The following TBC1D4 variants were observed in gnomAD, a reference collection of about 807,000 sequenced individuals.
The protein encoded by TBC1D4 is TBC (Tre-2, BUB2, CDC16) domain-containing protein.
A neutral mutation model predicts 142.5 loss-of-function variants in TBC1D4; 121 were observed. The ratio of observed to expected loss-of-function variants is 0.85; its 90% CI spans 0.73 to 0.99. TBC1D4 has a LOEUF of 0.99. Among genes scored for constraint, TBC1D4 ranks in the 50% least tolerant of loss-of-function variants. TBC1D4 has a pLI of 0.00. For missense variants in TBC1D4, 1,475 were observed against 1,606.6 expected, an observed-to-expected ratio of 0.92 and a Z score of 1.40; for synonymous variants, 630 against 628.2, an observed-to-expected ratio of 1.00 and a Z score of -0.04.
In TBC1D4 at chr13:75,286,993, T is replaced by A. The variant is rs200847492; in HGVS notation, c.3696A>T (p.Ser1232=). 528 of 1,613,670 alleles carry A rather than the reference T, an allele frequency of 3.3e-4. 1 individual carries two copies. The highest frequency in any genetic ancestry group is 1.5e-3 in the Middle Eastern group (9 of 6,062). ...CTCTCGTCAAAAGATTTTCCAGGTT[T>A]GATTCCAAGGCCTGGATTTTAGTAT... ...VAHTKIQALE[S]NLENLLTRET... is the part of the protein sequence containing the mutation. Residue 1232 remains serine, a synonymous_variant, in exon 21 of 21, where the codon TCA becomes TCT. Coordinates refer to ENST00000377636, the MANE Select transcript of TBC1D4 (RefSeq NM_014832.5).
chr13:75,309,118 T>C (rs1877485772), intron 14 of TBC1D4, among the ~76,000 whole-genome samples: 2 of 152,298 alleles, frequency 1.3e-5, no homozygotes, highest in Admixed American at 1.3e-4. Flanking sequence ...GTTAAATGTT[T>C]CATTTTACAA....
intron 1 of TBC1D4, among the ~76,000 whole-genome samples, chr13:75,420,968 CT>C (rs1160556826): frequency 1.3e-5 from 2 of 152,194 alleles, no homozygotes; most frequent in Non-Finnish European, 2.9e-5. Flanking sequence ...GATTTACCCC[CT>C]GGTTCTCAAG....
intron 1 of TBC1D4, among the ~76,000 whole-genome samples, chr13:75,429,242 A>T (rs1886499543): frequency 6.6e-6 from 1 of 152,270 alleles, no homozygotes; most frequent in African/African-American, 2.4e-5. Flanking sequence ...TAATCTAAAA[A>T]ATAAGTCAAT....
chr13:75,320,045 A>C lies in TBC1D4; in HGVS notation c.2199-8T>G, dbSNP rs773117485. The C allele has an allele frequency of 1.9e-6, 3 of 1,613,410 alleles. No individual in the cohort carries two copies. The highest frequency in any genetic ancestry group is 2.2e-5 in the East Asian group (1 of 44,794). ...TCTGAAGCAGTGTCTTGTCTGGTAC[A>C]ACAGGAAAACAAGGAATGGAATTAG... On this transcript the variant is annotated splice_polypyrimidine_tract_variant and splice_region_variant and intron_variant, in intron 11 of 20. Transcript: ENST00000377636.
intron 12 of TBC1D4, among the ~76,000 whole-genome samples, chr13:75,313,681 C>A (rs1878008717): frequency 6.6e-6 from 1 of 152,148 alleles, no homozygotes; most frequent in South Asian, 2.1e-4. Context: ...ACCGCCACAC[C>A]TGGCTATTTT....
At chr13:75,447,610 T>C (rs1290868548) in intron 1 of TBC1D4, among the ~76,000 whole-genome samples, 4 of 151,390 alleles carry the variant, frequency 2.6e-5, no homozygotes, top group African/African-American at 4.9e-5. Context: ...CACACACACA[T>C]ATATAAAAAC....
chr13:75,454,600 T>C (rs1200321794), intron 1 of TBC1D4, among the ~76,000 whole-genome samples: 2 of 152,226 alleles, frequency 1.3e-5, no homozygotes, highest in Non-Finnish European at 2.9e-5. Context: ...GCTATATTTA[T>C]TCAGTTTCTG....
At chr13:75,336,572 G>A (rs1332049988) in intron 8 of TBC1D4, among the ~76,000 whole-genome samples, 2 of 151,962 alleles carry the variant, frequency 1.3e-5, no homozygotes, top group Non-Finnish European at 2.9e-5. Flanking sequence ...GCCGGACATG[G>A]TGATGTACAC....
intron 1 of TBC1D4, among the ~76,000 whole-genome samples, chr13:75,424,125 T>C (rs775158596): frequency 1.3e-5 from 2 of 152,016 alleles, no homozygotes; most frequent in Non-Finnish European, 2.9e-5. Context: ...TTCAAAAAAC[T>C]AGCCAGGCAT....
At chr13:75,372,664 CA>C (rs1054466633) in intron 1 of TBC1D4, among the ~76,000 whole-genome samples, 3 of 151,146 alleles carry the variant, frequency 2.0e-5, no homozygotes, top group East Asian at 1.9e-4. Flanking sequence ...TAGTTTAAAC[CA>C]AAAAAAAATT....
In TBC1D4 at chr13:75,320,867, CAAAAAAA is replaced by C. The variant is rs148657060; in HGVS notation, c.2199-837_2199-831del. 5.6e-3 allele frequency among the ~76,000 whole-genome samples: 470 copies of C among 84,362 alleles called. 7 individuals carry two copies. The highest frequency in any genetic ancestry group is 0.021 in the African/African-American group (436 of 20,632). The allele number at this position is 84,362 out of a possible 152,430, so 55.3% of individuals were successfully genotyped here. On this transcript the variant is annotated intron_variant, in intron 11 of 20. Transcript: ENST00000377636. ...TGAAACCCCGTCTCTACTAAAAATA[CAAAAAAA>C]AAAAAAAAAAAAAAAATTAGCCGGG...
chr13:75,289,102 C>A lies in TBC1D4; in HGVS notation c.3495G>T (p.Glu1165Asp), dbSNP rs758871058. The A allele has an allele frequency of 6.2e-7, 1 of 1,613,586 alleles. No individual in the cohort carries two copies. Among genetic ancestry groups the A allele is most frequent in the East Asian group, 2.2e-5 (1 of 44,852 alleles). ...EMEKIITQVF[E>D]MDISKQLHAY... is the part of the protein sequence containing the mutation. ...CATGCAACTGCTTAGAAATATCCAT[C>A]TCAAAAACCTGCCATGAAAGTATCA... Residue 1165 changes from glutamate to aspartate, a missense_variant, in exon 20 of 21, where the codon GAG (glutamate) becomes GAT (aspartate). Coordinates refer to ENST00000377636, the MANE Select transcript of TBC1D4 (RefSeq NM_014832.5).
Position 75,481,785 on chromosome 13 carries a change from G to A in TBC1D4, c.-18C>T, listed in dbSNP as rs992844569. The A allele has an allele frequency of 6.6e-7, 1 of 1,514,096 alleles. No homozygotes were observed. The highest frequency in any genetic ancestry group is 8.8e-7 in the Non-Finnish European group (1 of 1,140,196). 93.8% of individuals were successfully genotyped at this position (1,514,096 alleles called of 1,614,324 possible). Reference sequence around the variant, plus strand: ...GGCTCCATAACTCTCGCCTCACCAGGGCACCGCGGAGGCCGGCCGGGCGCA... The same window carrying A: ...GGCTCCATAACTCTCGCCTCACCAGAGCACCGCGGAGGCCGGCCGGGCGCA... On this transcript the variant is annotated 5_prime_UTR_variant, in exon 1 of 21. Coordinates refer to ENST00000377636, the MANE Select transcript of TBC1D4 (RefSeq NM_014832.5).
At chr13:75,432,992 T>C (rs997574103) in intron 1 of TBC1D4, among the ~76,000 whole-genome samples, 4 of 150,810 alleles carry the variant, frequency 2.7e-5, no homozygotes, top group Non-Finnish European at 5.9e-5. Flanking sequence ...GCTCTTTGCA[T>C]GGTGCCTCTA....
At chr13:75,335,232 A>C (rs1389576053) in intron 8 of TBC1D4, among the ~76,000 whole-genome samples, 1 of 151,562 alleles carries the variant, frequency 6.6e-6, no homozygotes, top group Non-Finnish European at 1.5e-5. Context: ...AGGCTCCCAC[A>C]CCCTGCATCG....
intron 1 of TBC1D4, among the ~76,000 whole-genome samples, chr13:75,404,119 T>G (rs74096269): frequency 0.062 from 9,391 of 150,824 alleles, 800 homozygotes; most frequent in African/African-American, 0.2. Context: ...GTTACGTGAA[T>G]CAAAGCATAT....
chr13:75,374,314 G>A (rs1462860403), intron 1 of TBC1D4, among the ~76,000 whole-genome samples: 2 of 151,994 alleles, frequency 1.3e-5, no homozygotes, highest in Non-Finnish European at 2.9e-5. Flanking sequence ...GTACATTCTG[G>A]AAACTCAGTA....
chr13:75,472,107 A>C (rs1593923345), intron 1 of TBC1D4, among the ~76,000 whole-genome samples: 2 of 288 alleles, frequency 6.9e-3, no homozygotes, highest in Admixed American at 0.12. Flanking sequence ...ACTCTGTCTC[A>C]AAAAAAAAAA....
chr13:75,400,226 A>AT (rs2138344917), intron 1 of TBC1D4, among the ~76,000 whole-genome samples: 1 of 152,172 alleles, frequency 6.6e-6, no homozygotes, highest in East Asian at 1.9e-4. Context: ...TACCACCAAT[A>AT]TACAATCACT....
Sources: gnomAD v4.1 joint callset for allele counts (sites outside exome capture counted in the v4.1 genomes callset) on GRCh38, gnomAD v4.1.1 for gene constraint, MANE v1.5 for transcripts, NCBI Gene and HGNC (gene_info 2026-07-23, HGNC 2026-07-21) for gene names.